Variants in CHRM3 observed in about 807,000 individuals in gnomAD.
CHRM3 encodes the protein muscarinic acetylcholine receptor M3.
Under a neutral mutation model 41.8 loss-of-function variants are expected in CHRM3, and 11 were observed. The ratio of observed to expected loss-of-function variants is 0.26; its 90% CI spans 0.17 to 0.44. CHRM3 has a LOEUF of 0.44. Ranked by LOEUF, CHRM3 falls within the 20% of genes least tolerant of loss-of-function variation. The pLI is 1.00. For synonymous variants in CHRM3, 297 were observed against 301.4 expected, an observed-to-expected ratio of 0.99 and a Z score of 0.15; for missense variants, 571 against 745.4, an observed-to-expected ratio of 0.77 and a Z score of 2.72.
At chr1:239,760,473 T>C (rs1666662536) in intron 5 of CHRM3, among the ~76,000 whole-genome samples, 1 of 152,112 alleles carries the variant, frequency 6.6e-6, no homozygotes, top group Non-Finnish European at 1.5e-5. Context: ...CAACCTTGCC[T>C]GTTCGTCTAC....
intron 2 of CHRM3, among the ~76,000 whole-genome samples, chr1:239,512,159 A>T (rs1386341106): frequency 6.6e-6 from 1 of 152,184 alleles, no homozygotes; most frequent in African/African-American, 2.4e-5. Flanking sequence ...AGGCAGTCCA[A>T]CAGGGGCATG....
At chr1:239,525,278 C>T (rs927672282) in intron 2 of CHRM3, among the ~76,000 whole-genome samples, 1 of 152,138 alleles carries the variant, frequency 6.6e-6, no homozygotes, top group African/African-American at 2.4e-5. Context: ...GCTGAGGCCA[C>T]AGTGGGCCAG....
chr1:239,485,535 C>T (rs1320934584), intron 1 of CHRM3, among the ~76,000 whole-genome samples: 1 of 152,120 alleles, frequency 6.6e-6, no homozygotes, highest in South Asian at 2.1e-4. Flanking sequence ...CCTCCTTGGC[C>T]TTTCAAAGTG....
At chr1:239,579,366 A>G (rs1662659561) in intron 3 of CHRM3, among the ~76,000 whole-genome samples, 1 of 152,236 alleles carries the variant, frequency 6.6e-6, no homozygotes, top group African/African-American at 2.4e-5. Context: ...AATATTAAAC[A>G]TATTAATGTC....
chr1:239,777,032 G>A (rs1392113838), intron 5 of CHRM3, among the ~76,000 whole-genome samples: 1 of 152,108 alleles, frequency 6.6e-6, no homozygotes, highest in South Asian at 2.1e-4. Flanking sequence ...GGGGACACAG[G>A]CAAACCATAT....
intron 6 of CHRM3, among the ~76,000 whole-genome samples, chr1:239,868,575 A>G (rs1558193731): frequency 6.6e-6 from 1 of 152,186 alleles, no homozygotes; most frequent in Non-Finnish European, 1.5e-5. Flanking sequence ...CTTCAAGCCC[A>G]TCCGCCAGCC....
At chr1:239,846,093 T>C (rs1458059671) in intron 6 of CHRM3, among the ~76,000 whole-genome samples, 1 of 152,192 alleles carries the variant, frequency 6.6e-6, no homozygotes, top group Admixed American at 6.5e-5. Flanking sequence ...TTACAACTTT[T>C]TTTTTTTTCT....
At position 239,810,680 on chromosome 1, in the gene CHRM3, C is replaced by T. The variant is rs372404199; in HGVS notation, c.-146-16572C>T. On this transcript the variant is annotated intron_variant, in intron 5 of 6. Coordinates refer to ENST00000676153, the MANE Select transcript of CHRM3 (RefSeq NM_001375978.1). Reference sequence around the variant, plus strand: ...AATTCAGAGTAATTATAATTATTATCGGCATGTCCTTGGCCAAGGCCAAAG... The same window carrying T: ...AATTCAGAGTAATTATAATTATTATTGGCATGTCCTTGGCCAAGGCCAAAG... 7.9e-5 allele frequency among the ~76,000 whole-genome samples: 12 copies of T among 152,324 alleles called. No individual in the cohort carries two copies. The East Asian group carries it at 1.4e-3, about 17-fold the overall frequency.
chr1:239,808,292 A>G (rs1670825532), intron 5 of CHRM3, among the ~76,000 whole-genome samples: 1 of 152,170 alleles, frequency 6.6e-6, no homozygotes, highest in Non-Finnish European at 1.5e-5. Context: ...ACCTTCAGGC[A>G]GAGTAAATCA....
At chr1:239,393,315 T>C (rs760843888) in intron 1 of CHRM3, among the ~76,000 whole-genome samples, 1 of 152,250 alleles carries the variant, frequency 6.6e-6, no homozygotes, top group African/African-American at 2.4e-5. Flanking sequence ...CAGTCTTTTT[T>C]GTGATTTTTC....
At chr1:239,519,131 A>G (rs1307521556) in intron 2 of CHRM3, among the ~76,000 whole-genome samples, 1 of 152,058 alleles carries the variant, frequency 6.6e-6, no homozygotes, top group Non-Finnish European at 1.5e-5. Flanking sequence ...ATTCCTCTGT[A>G]CTCAGGATTA....
chr1:239,684,361 C>T (rs1397599907), intron 5 of CHRM3, among the ~76,000 whole-genome samples: 1 of 152,068 alleles, frequency 6.6e-6, no homozygotes, highest in Non-Finnish European at 1.5e-5. Context: ...AAGGATGATA[C>T]TGGGTAATCC....
rs556732244 is a variant in CHRM3, at chr1:239,911,864, C to T, written c.*2640C>T. On this transcript the variant is annotated 3_prime_UTR_variant, in exon 7 of 7. Transcript: ENST00000676153. ...AGAAAGAAAACAAGCAAAATAGGTT[C>T]TTTTGAATATGAATAATTTAAAAGC... 1.8e-5 allele frequency: 3 copies of T among 167,090 alleles called. No homozygotes were observed. Among genetic ancestry groups the T allele is most frequent in the South Asian group, 4.1e-4 (2 of 4,828 alleles). The allele number at this position is 167,090 out of a possible 1,614,324, so 10.4% of individuals were successfully genotyped here.
intron 6 of CHRM3, among the ~76,000 whole-genome samples, chr1:239,904,928 T>A (rs1679855095): frequency 6.6e-6 from 1 of 152,224 alleles, no homozygotes; most frequent in African/African-American, 2.4e-5. Context: ...TATTTATGTC[T>A]AACATTATAG....
chr1:239,799,450 C>T (rs1034723324), intron 5 of CHRM3, among the ~76,000 whole-genome samples: 7 of 152,146 alleles, frequency 4.6e-5, no homozygotes, highest in East Asian at 1.9e-4. Context: ...TCGCTCCAGG[C>T]ACTGAGATTC....
intron 5 of CHRM3, among the ~76,000 whole-genome samples, chr1:239,804,705 G>C (rs537403230): frequency 6.6e-6 from 1 of 152,248 alleles, no homozygotes; most frequent in East Asian, 1.9e-4. Flanking sequence ...AACTCGGTTC[G>C]AGCTAAATGC....
rs184141232 is a variant in CHRM3 at position 239,716,803 on chromosome 1, C to G, written c.-147+38515C>G. ...GGGCCCAAACGTAGCTCAAGGGGAGCGGGGATGTAGCTCTCTGACAAAATG... is the reference window on the plus strand; with the variant it reads ...GGGCCCAAACGTAGCTCAAGGGGAGGGGGGATGTAGCTCTCTGACAAAATG... On this transcript the variant is annotated intron_variant, in intron 5 of 6. Transcript: ENST00000676153. 8.6e-5 allele frequency among the ~76,000 whole-genome samples: 13 copies of G among 151,970 alleles called. No homozygotes were observed. In the East Asian group the frequency reaches 2.5e-3, roughly 30 times the overall value.
At chr1:239,789,313 C>T (rs183457855) in intron 5 of CHRM3, among the ~76,000 whole-genome samples, 42 of 152,152 alleles carry the variant, frequency 2.8e-4, no homozygotes, top group African/African-American at 8.7e-4. Flanking sequence ...ATTAATTTGG[C>T]GAAGATTAAG....
At chr1:239,841,876 G>A (rs1255115378) in intron 6 of CHRM3, among the ~76,000 whole-genome samples, 1 of 152,204 alleles carries the variant, frequency 6.6e-6, no homozygotes, top group African/African-American at 2.4e-5. Context: ...GTGACTTGGA[G>A]AGAAGTTGTG....
Sources: allele counts gnomAD v4.1 joint callset (sites outside exome capture counted in the v4.1 genomes callset), GRCh38; gene constraint gnomAD v4.1.1; transcripts MANE v1.5; gene names NCBI Gene and HGNC (gene_info 2026-07-23, HGNC 2026-07-21).